The following NFATC2 variants were observed in gnomAD, a reference collection of about 807,000 sequenced individuals.
NFATC2 encodes nuclear factor of activated T cells 2.
In NFATC2, 22 loss-of-function variants were observed where a neutral mutation model predicts 87.3. The ratio of observed to expected loss-of-function variants is 0.25; its 90% CI spans 0.18 to 0.36. The LOEUF is 0.36. NFATC2 is among the 10% of genes least tolerant of loss of function. The pLI is 1.00. For missense variants in NFATC2, 1,149 were observed against 1,259.1 expected (o/e 0.91, Z 1.32); for synonymous variants, 565 against 542.2 (o/e 1.04, Z -0.58).
At chr20:51,506,940 C>A (rs1212429455) in intron 3 of NFATC2, among the ~76,000 whole-genome samples, 1 of 152,234 alleles carries the variant, frequency 6.6e-6, no homozygotes, top group Non-Finnish European at 1.5e-5. Context: ...GACCCTAGGT[C>A]CAGGACTCAG....
intron 6 of NFATC2, among the ~76,000 whole-genome samples, chr20:51,450,233 A>G (rs1294215600): frequency 6.6e-6 from 1 of 152,224 alleles, no homozygotes; most frequent in African/African-American, 2.4e-5. Flanking sequence ...AACCCAGGCC[A>G]TCCGACCTCA....
intron 1 of NFATC2, among the ~76,000 whole-genome samples, chr20:51,537,020 T>C (rs1257940704): frequency 6.6e-6 from 1 of 152,092 alleles, no homozygotes. Flanking sequence ...CCATATCTAA[T>C]TTGTCCCTAT....
chr20:51,456,457 G>A (rs1452079354), intron 5 of NFATC2, among the ~76,000 whole-genome samples: 5 of 152,154 alleles, frequency 3.3e-5, no homozygotes, highest in African/African-American at 4.8e-5. Context: ...CAGCTCCAGC[G>A]CCCAATCTCT....
chr20:51,412,693 G>A (rs946689900), intron 9 of NFATC2, among the ~76,000 whole-genome samples: 6 of 152,044 alleles, frequency 3.9e-5, no homozygotes, highest in African/African-American at 1.2e-4. Flanking sequence ...GGGCGTCCCC[G>A]GCCACCTCAT....
At chr20:51,466,741 T>C (rs1424871158) in intron 5 of NFATC2, among the ~76,000 whole-genome samples, 1 of 152,076 alleles carries the variant, frequency 6.6e-6, no homozygotes, top group Non-Finnish European at 1.5e-5. Context: ...AATGACAAAT[T>C]TGGCTTCATC....
At position 51,562,486 on chromosome 20, in the gene NFATC2, C is replaced by T; in HGVS notation, c.70+74G>A. 1.5e-6 allele frequency: 2 copies of T among 1,362,970 alleles called. No individual in the cohort carries two copies. Among genetic ancestry groups the T allele is most frequent in the South Asian group, 1.3e-5 (1 of 76,728 alleles). 84.4% of individuals were successfully genotyped at this position (1,362,970 alleles called of 1,614,324 possible). On this transcript the variant is annotated intron_variant, in intron 1 of 10. Transcript: ENST00000414705. The surrounding 1 kb of genome is among the most constrained non-coding windows in gnomAD (Gnocchi z 5.8). ...CCTCTGCCGGGAGCTGAAAGTGCTG[C>T]CCGGGACGGGAGCAGCAGGAAAGGG... is the stretch of plus-strand genomic sequence containing the variant.
At chr20:51,490,815 GCTGA>G (rs1368468737) in intron 3 of NFATC2, among the ~76,000 whole-genome samples, 14 of 152,220 alleles carry the variant, frequency 9.2e-5, no homozygotes, top group African/African-American at 3.1e-4. Context: ...TGTTAAAAAT[GCTGA>G]CTAAGTAACA....
chr20:51,520,905 C>T (rs1419114985), intron 2 of NFATC2, among the ~76,000 whole-genome samples: 4 of 152,040 alleles, frequency 2.6e-5, no homozygotes, highest in African/African-American at 7.2e-5. Flanking sequence ...GTGATCCGCC[C>T]GCCTCTGCCT....
intron 3 of NFATC2, among the ~76,000 whole-genome samples, chr20:51,484,734 T>C (rs1358268028): frequency 6.6e-6 from 1 of 152,176 alleles, no homozygotes; most frequent in Non-Finnish European, 1.5e-5. Flanking sequence ...TGGGCACGAC[T>C]CAGCTGGTTG....
At chr20:51,456,270 C>T (rs1220519862) in intron 5 of NFATC2, among the ~76,000 whole-genome samples, 1 of 152,154 alleles carries the variant, frequency 6.6e-6, no homozygotes, top group Non-Finnish European at 1.5e-5. Flanking sequence ...CAGGCCTGTG[C>T]TGAGCACTAA....
At chr20:51,416,086 A>AC (rs953389676) in intron 9 of NFATC2, among the ~76,000 whole-genome samples, 32 of 152,092 alleles carry the variant, frequency 2.1e-4, no homozygotes, top group African/African-American at 7.2e-4. Context: ...ACAAAGCGAG[A>AC]CCCCGTCTCT....
At chr20:51,473,344 G>A (rs1470485417) in intron 5 of NFATC2, among the ~76,000 whole-genome samples, 1 of 152,022 alleles carries the variant, frequency 6.6e-6, no homozygotes, top group African/African-American at 2.4e-5. Flanking sequence ...CGGGGACAGG[G>A]TGGGGGACAG....
intron 9 of NFATC2, among the ~76,000 whole-genome samples, chr20:51,420,950 A>G (rs895083346): frequency 1.3e-5 from 2 of 152,096 alleles, no homozygotes; most frequent in East Asian, 3.8e-4. Context: ...AGTCCCAGCT[A>G]TGCTGGAGGC....
chr20:51,482,370 T>C (rs1288817914), intron 3 of NFATC2, among the ~76,000 whole-genome samples: 1 of 150,128 alleles, frequency 6.7e-6, no homozygotes, highest in Non-Finnish European at 1.5e-5. Context: ...GCTGTTCCTT[T>C]TTTTTTTTGG....
intron 3 of NFATC2, among the ~76,000 whole-genome samples, chr20:51,501,453 C>A (rs2076088397): frequency 6.6e-6 from 1 of 152,262 alleles, no homozygotes; most frequent in South Asian, 2.1e-4. Flanking sequence ...CTGGCTCCAA[C>A]CTCTGTACTG....
chr20:51,407,713 C>A (rs1978547698), intron 9 of NFATC2, among the ~76,000 whole-genome samples: 1 of 152,220 alleles, frequency 6.6e-6, no homozygotes, highest in Non-Finnish European at 1.5e-5. Context: ...GGGCACCCAG[C>A]CGCGTGCCTG....
chr20:51,560,544 T>C (rs1330734136), intron 1 of NFATC2, among the ~76,000 whole-genome samples: 3 of 152,182 alleles, frequency 2.0e-5, no homozygotes, highest in Non-Finnish European at 4.4e-5. Flanking sequence ...ACCCCACCCA[T>C]TGGATGGGAT....
intron 9 of NFATC2, among the ~76,000 whole-genome samples, chr20:51,431,810 T>C (rs918799318): frequency 1.3e-5 from 2 of 152,090 alleles, no homozygotes; most frequent in African/African-American, 4.8e-5. Flanking sequence ...CCTCATTTGC[T>C]TTTTCTATGG....
chr20:51,444,273 C>T (rs779516289), intron 6 of NFATC2, among the ~76,000 whole-genome samples: 9 of 151,982 alleles, frequency 5.9e-5, no homozygotes, highest in South Asian at 4.2e-4. Flanking sequence ...TGAGCCACCA[C>T]GCCCACCTGA....
Sources: gnomAD v4.1 joint callset for allele counts (sites outside exome capture counted in the v4.1 genomes callset) on GRCh38, gnomAD v4.1.1 for gene constraint, Gnocchi (gnomAD v3.1) non-coding constraint, MANE v1.5 for transcripts, NCBI Gene and HGNC (gene_info 2026-07-23, HGNC 2026-07-21) for gene names.